The following CASD1 variants were observed in gnomAD, a reference collection of about 807,000 sequenced individuals.
The protein encoded by CASD1 is CAS1 domain sialic acid O acetyltransferase 1, also known as N-acetylneuraminate (7)9-O-acetyltransferase.
A neutral mutation model predicts 100.0 loss-of-function variants in CASD1; 41 were observed. The ratio of observed to expected loss-of-function variants is 0.41; its 90% CI spans 0.32 to 0.53. The LOEUF is 0.53. Ranked by LOEUF, CASD1 falls within the 20% of genes least tolerant of loss-of-function variation. The pLI, the probability that CASD1 is intolerant of heterozygous loss-of-function variation, is 0.25. For synonymous variants in CASD1, 321 were observed against 315.6 expected, an observed-to-expected ratio of 1.02 and a Z score of -0.18; for missense variants, 774 against 948.7, an observed-to-expected ratio of 0.82 and a Z score of 2.42.
chr7:94,590,894 T>TGCTA, the CASD1 span: 1 of 152,226 alleles, frequency 6.6e-6, no homozygotes, highest in African/African-American at 2.4e-5. Context: ...AAACAGTGCG[T>TGCTA]GCTAGTTAAA....
chr7:94,566,616 A>G, the CASD1 span, among the ~76,000 whole-genome samples: 1 of 152,194 alleles, frequency 6.6e-6, no homozygotes, highest in Non-Finnish European at 1.5e-5. Context: ...GGTCTCCATT[A>G]CATAAATAGT....
the CASD1 span, chr7:94,628,511 T>C: frequency 1.7e-6 from 1 of 602,792 alleles, no homozygotes. Context: ...GAATTTAAAT[T>C]AGGGCACCAC....
the CASD1 span, chr7:94,588,408 C>G: frequency 8.2e-7 from 1 of 1,214,882 alleles, no homozygotes; most frequent in East Asian, 4.4e-5. Context: ...GAATAGGGAA[C>G]TTCACTGAAG....
chr7:94,595,930 A>G, the CASD1 span, among the ~76,000 whole-genome samples: 1 of 152,154 alleles, frequency 6.6e-6, no homozygotes, highest in African/African-American at 2.4e-5. Context: ...TCCTCTGATG[A>G]GTCAGACGCA....
chr7:94,609,809 T>C, the CASD1 span, among the ~76,000 whole-genome samples: 1 of 152,190 alleles, frequency 6.6e-6, no homozygotes, highest in Non-Finnish European at 1.5e-5. Context: ...GGCAGTTTCT[T>C]ACAAAATAAC....
At chr7:94,551,567 ATC>A (rs1795948570) in intron 15 of CASD1, 89 bp downstream of exon 15, 2 of 549,190 alleles carry the variant, frequency 3.6e-6, no homozygotes, top group Non-Finnish European at 5.4e-6. Context: ...TTAATAATAA[ATC>A]TTTTTTTCTC....
chr7:94,572,860 TG>T, the CASD1 span, among the ~76,000 whole-genome samples: 244 of 152,280 alleles, frequency 1.6e-3, 1 homozygote, highest in Middle Eastern at 3.4e-3. Context: ...TTTTATAATT[TG>T]GGGTTTTATA....
the CASD1 span, chr7:94,625,629 C>T: frequency 6.6e-6 from 1 of 151,994 alleles, no homozygotes; most frequent in African/African-American, 2.4e-5. Flanking sequence ...TTGAGCTCTA[C>T]CAAAATGGCA....
At chr7:94,602,222 T>C in the CASD1 span, among the ~76,000 whole-genome samples, 10 of 152,236 alleles carry the variant, frequency 6.6e-5, no homozygotes, top group South Asian at 2.1e-4. Flanking sequence ...AGCACCATGA[T>C]TGAACAAATT....
intron 10 of CASD1, among the ~76,000 whole-genome samples, chr7:94,541,255 G>C (rs1221526148): frequency 6.6e-6 from 1 of 151,778 alleles, no homozygotes; most frequent in African/African-American, 2.4e-5. Context: ...GGGATTACTC[G>C]TACTAAAAAC....
chr7:94,619,608 C>T, the CASD1 span: 1 of 152,174 alleles, frequency 6.6e-6, no homozygotes, highest in Non-Finnish European at 1.5e-5. Context: ...AATCATCACT[C>T]TCTATATTCT....
chr7:94,531,993 G>A (rs1404113272), intron 5 of CASD1, among the ~76,000 whole-genome samples: 2 of 152,042 alleles, frequency 1.3e-5, no homozygotes, highest in Non-Finnish European at 2.9e-5. Context: ...ATTACAATGA[G>A]ATAATTTAAG....
chr7:94,586,060 T>TG, the CASD1 span, among the ~76,000 whole-genome samples: 18 of 5,940 alleles, frequency 3.0e-3, no homozygotes, highest in Non-Finnish European at 4.1e-3. Flanking sequence ...AGGAACTAAA[T>TG]GAAAAAAAAA....
intron 1 of CASD1, among the ~76,000 whole-genome samples, chr7:94,511,330 G>A (rs1178315153): frequency 6.6e-6 from 1 of 152,170 alleles, no homozygotes; most frequent in Non-Finnish European, 1.5e-5. Context: ...CGGGTTGTTG[G>A]AGTCTGCGCT....
the CASD1 span, among the ~76,000 whole-genome samples, chr7:94,604,811 A>G: frequency 6.5e-5 from 1 of 15,432 alleles, no homozygotes; most frequent in Non-Finnish European, 1.2e-4. Context: ...GCTGGAATAT[A>G]TATATATATA....
the CASD1 span, chr7:94,590,026 C>A: frequency 6.6e-6 from 1 of 152,064 alleles, no homozygotes; most frequent in African/African-American, 2.4e-5. Context: ...TCAATATTTC[C>A]TTGTATCTAT....
the CASD1 span, chr7:94,623,949 G>A: frequency 5.3e-6 from 2 of 375,094 alleles, no homozygotes; most frequent in Non-Finnish European, 9.4e-6. Flanking sequence ...TGAAGCTTAT[G>A]GAACATGCTC....
chr7:94,585,396 C>G, the CASD1 span: 1 of 1,008,782 alleles, frequency 9.9e-7, no homozygotes, highest in Non-Finnish European at 1.6e-6. Flanking sequence ...ACATGCATAA[C>G]ATATGCCAGA....
intron 3 of CASD1, among the ~76,000 whole-genome samples, chr7:94,519,696 G>A (rs777904406): frequency 6.6e-5 from 10 of 151,760 alleles, no homozygotes; most frequent in Non-Finnish European, 1.5e-5. Context: ...TAATAGAGAC[G>A]AGGTCTCACT....
Sources: gnomAD v4.1 joint callset for allele counts (sites outside exome capture counted in the v4.1 genomes callset) on GRCh38, gnomAD v4.1.1 for gene constraint, MANE v1.5 for transcripts, NCBI Gene and HGNC (gene_info 2026-07-23, HGNC 2026-07-21) for gene names.